The following TRPC6 variants were observed in gnomAD, a reference collection of about 807,000 sequenced individuals.
TRPC6 encodes transient receptor potential cation channel subfamily C member 6.
Under a neutral mutation model 90.7 loss-of-function variants are expected in TRPC6, and 55 were observed. The observed-to-expected ratio is 0.61, with a 90% confidence interval of 0.49 to 0.76. The LOEUF is 0.76. TRPC6 is among the 30% of genes least tolerant of loss of function. The pLI, the probability that TRPC6 is intolerant of heterozygous loss-of-function variation, is 0.00. For missense variants in TRPC6, 989 were observed against 1,122.7 expected, an observed-to-expected ratio of 0.88 and a Z score of 1.70; for synonymous variants, 393 against 393.0, an observed-to-expected ratio of 1.00 and a Z score of 0.00.
intron 5 of TRPC6, among the ~76,000 whole-genome samples, chr11:101,478,308 T>C (rs1435872139): frequency 6.6e-6 from 1 of 152,182 alleles, no homozygotes; most frequent in Non-Finnish European, 1.5e-5. Flanking sequence ...TGAATTCATA[T>C]ATAATCTGGG....
chr11:101,555,103 A>T (rs528773523), intron 1 of TRPC6, among the ~76,000 whole-genome samples: 1 of 152,328 alleles, frequency 6.6e-6, no homozygotes, highest in African/African-American at 2.4e-5. Context: ...AGACACTGCC[A>T]TGAGAAGGAG....
chr11:101,508,473 GT>G (rs919565456), intron 1 of TRPC6, among the ~76,000 whole-genome samples: 31 of 152,130 alleles, frequency 2.0e-4, no homozygotes, highest in African/African-American at 7.2e-4. Context: ...GATCATCAAG[GT>G]TTGTTACATG....
At chr11:101,489,837 G>A (rs1262718475) in intron 3 of TRPC6, among the ~76,000 whole-genome samples, 2 of 152,058 alleles carry the variant, frequency 1.3e-5, no homozygotes, top group Non-Finnish European at 2.9e-5. Flanking sequence ...TGAATCTTAA[G>A]GGTGGTTAAC....
intron 1 of TRPC6, among the ~76,000 whole-genome samples, chr11:101,563,151 TA>T (rs1861751756): frequency 6.6e-6 from 1 of 152,190 alleles, no homozygotes; most frequent in Non-Finnish European, 1.5e-5. Context: ...GAGTGCTCAA[TA>T]CCGGTGGTGG....
chr11:101,499,620 CACACACAATATAAA>C (rs1321788487), intron 2 of TRPC6, among the ~76,000 whole-genome samples: 747 of 66,174 alleles, frequency 0.011, 26 homozygotes, highest in African/African-American at 0.015. Context: ...TATATATATA[CACACACAATATAAA>C]ATGTGTATAT....
At chr11:101,462,793 CCTTT>C (rs1859036622) in intron 10 of TRPC6, among the ~76,000 whole-genome samples, 1 of 151,966 alleles carries the variant, frequency 6.6e-6, no homozygotes, top group Non-Finnish European at 1.5e-5. Context: ...ATTTGAATAC[CCTTT>C]CTTTCTTTCT....
At chr11:101,531,747 C>T (rs1860916785) in intron 1 of TRPC6, among the ~76,000 whole-genome samples, 2 of 152,198 alleles carry the variant, frequency 1.3e-5, no homozygotes, top group Admixed American at 1.3e-4. Context: ...ATTGTTCCCA[C>T]TTCCAGTTAG....
intron 2 of TRPC6, among the ~76,000 whole-genome samples, chr11:101,502,995 C>G (rs906014589): frequency 1.3e-5 from 2 of 152,218 alleles, no homozygotes; most frequent in African/African-American, 4.8e-5. Flanking sequence ...ATATTCACTT[C>G]TGTAAAACAT....
intron 2 of TRPC6, among the ~76,000 whole-genome samples, chr11:101,495,794 A>T (rs757948778): frequency 6.6e-5 from 10 of 152,064 alleles, no homozygotes; most frequent in Non-Finnish European, 1.3e-4. Context: ...AATCTTTTAC[A>T]CACAGCACTG....
At chr11:101,556,298 A>C (rs1281287011) in intron 1 of TRPC6, among the ~76,000 whole-genome samples, 1 of 151,550 alleles carries the variant, frequency 6.6e-6, no homozygotes, top group Non-Finnish European at 1.5e-5. Context: ...GAAAAGAAAA[A>C]ATCAACAAAC....
chr11:101,490,440 G>T (rs1859778527), intron 3 of TRPC6, among the ~76,000 whole-genome samples: 1 of 152,076 alleles, frequency 6.6e-6, no homozygotes, highest in Non-Finnish European at 1.5e-5. Flanking sequence ...ACCTTTAAAA[G>T]CTATCTATCT....
chr11:101,543,084 G>A (rs1861214371), intron 1 of TRPC6, among the ~76,000 whole-genome samples: 1 of 151,972 alleles, frequency 6.6e-6, no homozygotes, highest in Non-Finnish European at 1.5e-5. Context: ...ACTCAATTAA[G>A]ACAAACAGCC....
intron 4 of TRPC6, among the ~76,000 whole-genome samples, chr11:101,486,614 A>G (rs1859685056): frequency 6.6e-6 from 1 of 152,170 alleles, no homozygotes; most frequent in African/African-American, 2.4e-5. Flanking sequence ...GAGAGCAAGT[A>G]AAAACAAAAG....
Position 101,452,035 on chromosome 11 carries a change from T to C in TRPC6, c.*920A>G, listed in dbSNP as rs1442805438. 1.3e-5 allele frequency: 2 copies of C among 152,232 alleles called. No homozygotes were observed. Among genetic ancestry groups the C allele is most frequent in the Non-Finnish European group, 2.9e-5 (2 of 68,046 alleles). The allele number at this position is 152,232 out of a possible 1,614,324, so 9.4% of individuals were successfully genotyped here. A position where few individuals can be genotyped will look rare whatever the true frequency, so the allele number is the denominator to read the frequency against. Reference sequence around the variant, plus strand: ...AAATTCTCACCTTATTTTTCCCCTTTACATTCAATGGCTAAGTGTGGGGAT... The same window carrying C: ...AAATTCTCACCTTATTTTTCCCCTTCACATTCAATGGCTAAGTGTGGGGAT... On this transcript the variant is annotated 3_prime_UTR_variant, in exon 13 of 13. Transcript: ENST00000344327.
In TRPC6 at chr11:101,511,720, G is replaced by A. The variant is rs1024218917; in HGVS notation, c.171-6922C>T. ...TAAAGATGGAACTAGGGCCAGGTGC[G>A]GTGGCTCACGCCTGTAATCCCAGCA... On this transcript the variant is annotated intron_variant, in intron 1 of 12. Transcript: ENST00000344327. Among the ~76,000 whole-genome samples the A allele has an allele frequency of 7.9e-5, 12 of 152,164 alleles. 1 individual carries two copies. The highest frequency in any genetic ancestry group is 4.2e-4 in the South Asian group (2 of 4,818).
At chr11:101,574,897 T>G (rs950368045) in intron 1 of TRPC6, among the ~76,000 whole-genome samples, 1 of 152,156 alleles carries the variant, frequency 6.6e-6, no homozygotes, top group South Asian at 2.1e-4. Context: ...TCTTCCTAGT[T>G]TTTTTGTTTT....
chr11:101,489,822 A>G (rs1274795995), intron 3 of TRPC6, among the ~76,000 whole-genome samples: 5 of 152,158 alleles, frequency 3.3e-5, no homozygotes, highest in Non-Finnish European at 7.4e-5. Context: ...TAGAAGAACT[A>G]CAAGTGAATC....
chr11:101,535,859 A>C (rs1861033511), intron 1 of TRPC6, among the ~76,000 whole-genome samples: 1 of 152,228 alleles, frequency 6.6e-6, no homozygotes, highest in South Asian at 2.1e-4. Flanking sequence ...CCTATAAATA[A>C]AATAGATGAC....
chr11:101,573,008 T>TAA (rs34831988), intron 1 of TRPC6, among the ~76,000 whole-genome samples: 4,395 of 149,932 alleles, frequency 0.029, 114 homozygotes, highest in African/African-American at 0.069. Flanking sequence ...AAAGTATAAT[T>TAA]AAAAAAAAAA....
Sources: gnomAD v4.1 joint callset for allele counts (sites outside exome capture counted in the v4.1 genomes callset) on GRCh38, gnomAD v4.1.1 for gene constraint, MANE v1.5 for transcripts, NCBI Gene and HGNC (gene_info 2026-07-23, HGNC 2026-07-21) for gene names.